The following CA14 variants were observed in gnomAD, a reference collection of about 807,000 sequenced individuals.
CA14 encodes carbonic anhydrase 14, also known as CA-XIV.
In CA14, 44 loss-of-function variants were observed where a neutral mutation model predicts 48.8. The observed-to-expected ratio is 0.90, with a 90% CI of 0.71 to 1.16. The LOEUF (loss-of-function observed/expected upper bound fraction) is 1.16, where lower values mean the gene tolerates loss of function less well. Among genes scored for constraint, CA14 ranks in the 50% most tolerant of loss-of-function variants. The pLI, the probability that CA14 is intolerant of heterozygous loss-of-function variation, is 0.00. For synonymous variants in CA14, 154 were observed against 155.0 expected (o/e 0.99, Z 0.05); for missense variants, 386 against 401.0 (o/e 0.96, Z 0.32).
At position 150,263,810 on chromosome 1, in the gene CA14, A is replaced by G. The variant is rs1440109654; in HGVS notation, c.879A>G (p.Leu293=). The change falls in exon 10 of 11, where the codon CTA becomes CTG. Residue 293 remains leucine, a synonymous_variant. Transcript: ENST00000369111. ...CTCCCCCAGGTGAAATGCTGAGTCT[A>G]GGTGTAGGAATCTTGGTTGGCTGTC... The part of the protein sequence containing the change: ...SSYTTGEMLS[L]GVGILVGCLC... 2.5e-5 allele frequency: 40 copies of G among 1,613,558 alleles called. No homozygotes were observed. The highest frequency in any genetic ancestry group is 3.4e-5 in the Non-Finnish European group (40 of 1,179,748).
chr1:150,263,386 A>T lies in CA14; in HGVS notation c.808A>T (p.Asn270Tyr), dbSNP rs1369668047. The change falls in exon 8 of 11, where the codon AAT becomes TAT. Residue 270 changes from asparagine to tyrosine, a missense_variant. Asn to Tyr is a moderately radical substitution (Grantham distance 143). Coordinates refer to ENST00000369111, the MANE Select transcript of CA14 (RefSeq NM_012113.3). ...GAACTACCGAGCCCTTCAGCCTCTC[A>T]ATCAGCGCATGGTCTTTGCTTCTTT... is the stretch of plus-strand genomic sequence containing the variant. ...VQNYRALQPL[N>Y]QRMVFASFIQ... 6.2e-7 allele frequency: 1 copy of T among 1,614,200 alleles called. No individual in the cohort carries two copies. The highest frequency in any genetic ancestry group is 1.7e-5 in the Admixed American group (1 of 60,024).
intron 2 of CA14, 23 bp downstream of exon 2, chr1:150,260,194 C>T (rs782389401): frequency 9.3e-6 from 15 of 1,613,086 alleles, no homozygotes; most frequent in East Asian, 4.5e-5. Flanking sequence ...CAAGGCCTCC[C>T]GACAACCCTT....
chr1:150,263,948 G>T, intron 10 of CA14, 70 bp downstream of exon 10: 1 of 1,081,374 alleles, frequency 9.2e-7, no homozygotes. Flanking sequence ...GTGGGAGACG[G>T]AGTCTTGCTC....
At position 150,263,120 on chromosome 1, in the gene CA14, G is replaced by C; in HGVS notation, c.641G>C (p.Gly214Ala). ...KQLGQYFRYN[G>A]SLTTPPCYQS... ...CTGGGGCAGTACTTCCGCTACAATG[G>C]CTCGCTCACAACTCCCCCTTGCTAC... is the stretch of plus-strand genomic sequence containing the variant. Residue 214 changes from glycine to alanine, a missense_variant, in exon 7 of 11, where the codon GGC (glycine) becomes GCC (alanine). Transcript: ENST00000369111. 6.2e-7 allele frequency: 1 copy of C among 1,614,050 alleles called. No individual in the cohort carries two copies. Among genetic ancestry groups the C allele is most frequent in the Non-Finnish European group, 8.5e-7 (1 of 1,179,992 alleles).
At chr1:150,259,337 G>A (rs1240256810) in intron 1 of CA14, among the ~76,000 whole-genome samples, 1 of 152,176 alleles carries the variant, frequency 6.6e-6, no homozygotes, top group Non-Finnish European at 1.5e-5. Context: ...TTGGCCGTAG[G>A]GAGGGGCTGG....
rs1650681182 is a variant in CA14 at position 150,257,978 on chromosome 1, A to G, written c.-151A>G. 1 of 483,486 alleles carries G rather than the reference A, an allele frequency of 2.1e-6. No individual in the cohort carries two copies. Among genetic ancestry groups the G allele is most frequent in the South Asian group, 3.8e-5 (1 of 26,280 alleles). The allele number at this position is 483,486 out of a possible 1,614,324, so 29.9% of individuals were successfully genotyped here. ...ATCCCCTGGAAGCCCACAGAGACAGAGACAGCAAGAGAAGCAGAGATAAAT... is the reference window on the plus strand; with the variant it reads ...ATCCCCTGGAAGCCCACAGAGACAGGGACAGCAAGAGAAGCAGAGATAAAT... On this transcript the variant is annotated 5_prime_UTR_variant, in exon 1 of 11. Transcript: ENST00000369111.
At chr1:150,262,922 T>C (rs587653744) in intron 6 of CA14, 52 bp downstream of exon 6, 1 of 1,585,200 alleles carries the variant, frequency 6.3e-7, no homozygotes, top group African/African-American at 1.4e-5. Context: ...TCAAAAACTA[T>C]CCTTAAAAGC....
intron 8 of CA14, 98 bp downstream of exon 8, chr1:150,263,517 T>C (rs1391299961): frequency 3.7e-6 from 6 of 1,604,692 alleles, no homozygotes; most frequent in African/African-American, 2.7e-5. Flanking sequence ...GGGGAGGGGG[T>C]TTCTGGGACT....
At chr1:150,263,912 C>CTTTTTTTTTTTTTTTT (rs201259406) in intron 10 of CA14, 34 bp downstream of exon 10, 1 of 986,914 alleles carries the variant, frequency 1.0e-6, no homozygotes, top group African/African-American at 2.2e-5. Flanking sequence ...CCAGTCCCTT[C>CTTTTTTTTTTTTTTTT]TTCTTTTTTT....
chr1:150,260,751 G>GA (rs1168655049), intron 2 of CA14: 2,534 of 104,822 alleles, frequency 0.024, 621 homozygotes, highest in African/African-American at 0.039. Context: ...ATCTCTCTAG[G>GA]TTATTTTTTT....
chr1:150,262,033 G>C (rs1036341669), intron 3 of CA14, 125 bp from the exon 4 acceptor site: 8 of 1,070,070 alleles, frequency 7.5e-6, no homozygotes, highest in Middle Eastern at 2.7e-4. Context: ...GCCTATGGGA[G>C]GAACTGGGTG....
At chr1:150,262,974 C>T (rs1651200244) in intron 6 of CA14, 68 bp from the exon 7 acceptor site, 4 of 1,601,770 alleles carry the variant, frequency 2.5e-6, no homozygotes, top group Non-Finnish European at 3.4e-6. Flanking sequence ...AATTTTGCTT[C>T]TGGGAGCCCT....
Position 150,260,163 on chromosome 1 carries a change from C to T in CA14, c.68C>T (p.Thr23Met), listed in dbSNP as rs1553847471. 6.2e-6 allele frequency: 10 copies of T among 1,613,814 alleles called. No homozygotes were observed. The highest frequency in any genetic ancestry group is 7.6e-6 in the Non-Finnish European group (9 of 1,179,846). ...TTCTGCCTTGCAGGTCAACACTGGA[C>T]GTATGAGGGTGAGCAGATCTCAAGG... ...ILAADGGQHW[T>M]YEGPHGQDHW... is the part of the protein sequence containing the mutation. Residue 23 changes from threonine to methionine, a missense_variant, in exon 2 of 11, where the codon ACG becomes ATG. Physicochemically the swap from Thr to Met is moderately conservative, Grantham distance 81. Transcript: ENST00000369111.
At chr1:150,264,086 C>A (rs1651410446) in intron 10 of CA14, among the ~76,000 whole-genome samples, 1 of 151,834 alleles carries the variant, frequency 6.6e-6, no homozygotes, top group Non-Finnish European at 1.5e-5. Flanking sequence ...CCATCACACC[C>A]AGCTAATTTT....
At position 150,263,382 on chromosome 1, in the gene CA14, T is replaced by G; in HGVS notation, c.804T>G (p.Pro268=). 6.2e-7 allele frequency: 1 copy of G among 1,614,178 alleles called. No individual in the cohort carries two copies. Among genetic ancestry groups the G allele is most frequent in the South Asian group, 1.1e-5 (1 of 91,080 alleles). The change falls in exon 8 of 11, where the codon CCT becomes CCG. Residue 268 remains proline, a synonymous_variant. Coordinates refer to ENST00000369111, the MANE Select transcript of CA14 (RefSeq NM_012113.3). ...LLVQNYRALQ[P]LNQRMVFASF... ...TACAGAACTACCGAGCCCTTCAGCCTCTCAATCAGCGCATGGTCTTTGCTT... is the reference window on the plus strand; with the variant it reads ...TACAGAACTACCGAGCCCTTCAGCCGCTCAATCAGCGCATGGTCTTTGCTT...
chr1:150,260,595 G>T (rs1285284227), intron 2 of CA14: 1 of 325,410 alleles, frequency 3.1e-6, no homozygotes, highest in African/African-American at 2.2e-5. Flanking sequence ...GGGGGAGGTG[G>T]AACTCAGTTC....
rs782685885 is a variant in CA14 at position 150,262,876 on chromosome 1, C to T, written c.562+6C>T. ...GCATGAAGTCAGGCATAAAGGTGAG[C>T]CTTAAAAATCTATAGCAGGAAGTAA... On this transcript the variant is annotated splice_donor_region_variant and intron_variant, in intron 6 of 10. Transcript: ENST00000369111. 1 of 1,608,126 alleles carries T rather than the reference C, an allele frequency of 6.2e-7. No individual in the cohort carries two copies. The highest frequency in any genetic ancestry group is 1.1e-5 in the South Asian group (1 of 90,926).
At chr1:150,259,077 C>G (rs1220694675) in intron 1 of CA14, among the ~76,000 whole-genome samples, 1 of 152,086 alleles carries the variant, frequency 6.6e-6, no homozygotes, top group Non-Finnish European at 1.5e-5. Context: ...TGGACAGGCA[C>G]CTTTACAGAC....
rs1651032707 is a variant in CA14 at position 150,261,543 on chromosome 1, G to A, written c.161G>A (p.Ser54Asn). The change falls in exon 3 of 11, where the codon AGT becomes AAT. Residue 54 changes from serine to asparagine, a missense_variant. Physicochemically the swap from Ser to Asn is conservative, Grantham distance 46 (BLOSUM62 1). Transcript: ENST00000369111. ...AQSPIDIQTD[S>N]VTFDPDLPAL... is the part of the protein sequence containing the mutation. ...TCGCCCATCGATATTCAGACAGACA[G>A]TGTGACATTTGACCCTGATTTGCCT... is the stretch of plus-strand genomic sequence containing the variant. 2 of 1,614,070 alleles carry A rather than the reference G, an allele frequency of 1.2e-6. No individual in the cohort carries two copies. The highest frequency in any genetic ancestry group is 1.3e-5 in the African/African-American group (1 of 74,912).
Sources: gnomAD v4.1 joint callset for allele counts (sites outside exome capture counted in the v4.1 genomes callset) on GRCh38, gnomAD v4.1.1 for gene constraint, MANE v1.5 for transcripts, NCBI Gene and HGNC (gene_info 2026-07-23, HGNC 2026-07-21) for gene names.